Variants in SMYD2 observed in about 807,000 individuals in gnomAD.
SMYD2 encodes N-lysine methyltransferase SMYD2.
SMYD2 carries 53 observed loss-of-function variants against 59.1 expected under a neutral mutation model. The observed-to-expected ratio is 0.90, with a 90% CI of 0.72 to 1.13. The LOEUF (loss-of-function observed/expected upper bound fraction) is 1.13, where lower values mean the gene tolerates loss of function less well. SMYD2 is among the 50% of genes most tolerant of loss of function. The pLI, the probability that SMYD2 is intolerant of heterozygous loss-of-function variation, is 0.00. For synonymous variants in SMYD2, 208 were observed against 198.8 expected, an observed-to-expected ratio of 1.05 and a Z score of -0.39; for missense variants, 494 against 544.7, an observed-to-expected ratio of 0.91 and a Z score of 0.93.
chr1:214,329,606 G>A (rs1657318022), intron 7 of SMYD2, among the ~76,000 whole-genome samples: 1 of 152,178 alleles, frequency 6.6e-6, no homozygotes, highest in Non-Finnish European at 1.5e-5. Context: ...CAGCATTCTG[G>A]TGTCCTAGAA....
intron 2 of SMYD2, among the ~76,000 whole-genome samples, chr1:214,307,042 G>A (rs1454618003): frequency 6.6e-6 from 1 of 152,220 alleles, no homozygotes; most frequent in Non-Finnish European, 1.5e-5. Flanking sequence ...GCGTGGTGGC[G>A]GGTGCCTGTA....
At chr1:214,329,226 C>T (rs563021334) in intron 7 of SMYD2, among the ~76,000 whole-genome samples, 13 of 152,256 alleles carry the variant, frequency 8.5e-5, no homozygotes, top group African/African-American at 2.6e-4. Context: ...CCCAGGGTTT[C>T]GGGGTGAGCT....
chr1:214,292,927 A>C (rs1656659199), intron 1 of SMYD2, among the ~76,000 whole-genome samples: 1 of 151,812 alleles, frequency 6.6e-6, no homozygotes, highest in South Asian at 2.1e-4. Context: ...TTCCTAGGTA[A>C]GGCCTTAGAG....
chr1:214,300,206 C>A (rs1276224265), intron 1 of SMYD2, among the ~76,000 whole-genome samples: 2 of 152,130 alleles, frequency 1.3e-5, no homozygotes, highest in Non-Finnish European at 2.9e-5. Flanking sequence ...GTAAAATCTT[C>A]CCTAGAGCCA....
intron 1 of SMYD2, among the ~76,000 whole-genome samples, chr1:214,303,595 G>A (rs1402368876): frequency 6.6e-6 from 1 of 152,178 alleles, no homozygotes; most frequent in Non-Finnish European, 1.5e-5. Flanking sequence ...ACATTCTTCA[G>A]TCTGCTTCTT....
chr1:214,282,914 G>A (rs907857327), intron 1 of SMYD2, among the ~76,000 whole-genome samples: 3 of 152,092 alleles, frequency 2.0e-5, no homozygotes, highest in Non-Finnish European at 2.9e-5. Flanking sequence ...GCTGTGGCTC[G>A]GAGTCTGCAG....
Position 214,312,301 on chromosome 1 carries a change from T to C in SMYD2, c.238-2461T>C, listed in dbSNP as rs1209933131. Among the ~76,000 whole-genome samples, 1 of 152,154 alleles carries C rather than the reference T, an allele frequency of 6.6e-6. No individual in the cohort carries two copies. The highest frequency in any genetic ancestry group is 2.4e-5 in the African/African-American group (1 of 41,440). The stretch of plus-strand genomic sequence containing the variant: ...GTGGAGGGAAGCGGGTAGGGAGATA[T>C]CTTCATTCCTTCAACAACTATATTG... On this transcript the variant is annotated intron_variant, in intron 2 of 11. Transcript: ENST00000366957. The surrounding 1 kb of genome is among the most constrained non-coding windows in gnomAD (Gnocchi z 4.1).
At position 214,320,901 on chromosome 1, in the gene SMYD2, T is replaced by G. The variant is rs73092322; in HGVS notation, c.534+1918T>G. ...ACCTAAGTATCCTGAGACAATAGAT[T>G]TGGCTGACAATGGGAAGTGAGGAAT... On this transcript the variant is annotated intron_variant, in intron 5 of 11. Coordinates refer to ENST00000366957, the MANE Select transcript of SMYD2 (RefSeq NM_020197.3). Among the ~76,000 whole-genome samples the G allele has an allele frequency of 2.4e-4, 36 of 152,308 alleles. No individual in the cohort carries two copies. The Middle Eastern group carries it at 0.014, about 58-fold the overall frequency.
At chr1:214,302,246 G>A (rs2102461369) in intron 1 of SMYD2, among the ~76,000 whole-genome samples, 1 of 152,068 alleles carries the variant, frequency 6.6e-6, no homozygotes, top group African/African-American at 2.4e-5. Context: ...GGCTGAGGGA[G>A]GAGAATTGCT....
chr1:214,290,522 A>G (rs961964871), intron 1 of SMYD2, among the ~76,000 whole-genome samples: 1 of 152,206 alleles, frequency 6.6e-6, no homozygotes, highest in African/African-American at 2.4e-5. Flanking sequence ...ATAAAAATGA[A>G]TGCGTGCTAT....
intron 9 of SMYD2, 162 bp from the exon 10 acceptor site, chr1:214,331,856 C>A (rs906929897): frequency 3.0e-6 from 2 of 658,454 alleles, no homozygotes; most frequent in African/African-American, 3.6e-5. Flanking sequence ...TTTGTTTTTT[C>A]TGGAGAAATG....
At chr1:214,302,365 C>T (rs1421049771) in intron 1 of SMYD2, among the ~76,000 whole-genome samples, 1 of 151,948 alleles carries the variant, frequency 6.6e-6, no homozygotes, top group Non-Finnish European at 1.5e-5. Flanking sequence ...ACAGTGTTTC[C>T]TGAGCTTTGA....
At chr1:214,296,740 A>G (rs1656735639) in intron 1 of SMYD2, among the ~76,000 whole-genome samples, 1 of 151,012 alleles carries the variant, frequency 6.6e-6, no homozygotes, top group South Asian at 2.1e-4. Flanking sequence ...TAACTTGCCC[A>G]AGATCACATA....
intron 9 of SMYD2, 40 bp from the exon 10 acceptor site, chr1:214,331,978 C>A: frequency 1.3e-6 from 2 of 1,588,224 alleles, no homozygotes; most frequent in East Asian, 4.5e-5. Context: ...AGCCTCCAGG[C>A]AGCTTGGGCC....
At chr1:214,335,320 A>G (rs1657418794) in intron 11 of SMYD2, among the ~76,000 whole-genome samples, 2 of 152,250 alleles carry the variant, frequency 1.3e-5, no homozygotes. Flanking sequence ...TTGTCTTCTG[A>G]GAATTAGCCA....
rs113569347 is a variant in SMYD2, at chr1:214,303,938, G to A, written c.174-1249G>A. 4.1e-3 allele frequency among the ~76,000 whole-genome samples: 625 copies of A among 152,350 alleles called. 3 individuals carry two copies. The highest frequency in any genetic ancestry group is 0.014 in the African/African-American group (586 of 41,584). On this transcript the variant is annotated intron_variant, in intron 1 of 11. Transcript: ENST00000366957. ...GCTTCACCGGGGTGGGCAAGAGTTC[G>A]ACAGCAGGTTTTACCGATTGCGCTC...
Position 214,332,128 on chromosome 1 carries a change from T to A in SMYD2, c.1048T>A (p.Cys350Ser), listed in dbSNP as rs1469611234. 1 of 1,614,116 alleles carries A rather than the reference T, an allele frequency of 6.2e-7. No individual in the cohort carries two copies. Among genetic ancestry groups the A allele is most frequent in the African/African-American group, 1.3e-5 (1 of 74,936 alleles). ...LHMMYQAMGVCLYMQDWEGAL... is the reference protein window; with the variant it reads ...LHMMYQAMGVSLYMQDWEGAL... ...CATGATGTACCAGGCCATGGGTGTC[T>A]GCTTGTACATGCAGGACTGGGAAGG... Residue 350 changes from cysteine (C) to serine (S), a missense_variant, in exon 10 of 12, where the codon TGC becomes AGC. Coordinates refer to ENST00000366957, the MANE Select transcript of SMYD2 (RefSeq NM_020197.3).
At chr1:214,334,109 AG>A (rs1252926899) in intron 10 of SMYD2, 90 bp from the exon 11 acceptor site, 1 of 1,199,538 alleles carries the variant, frequency 8.3e-7, no homozygotes, top group Non-Finnish European at 1.2e-6. Context: ...GTTGGCCCTA[AG>A]CATGGCAGCC....
At chr1:214,281,914 A>C (rs565775109) in intron 1 of SMYD2, among the ~76,000 whole-genome samples, 1 of 152,330 alleles carries the variant, frequency 6.6e-6, no homozygotes, top group African/African-American at 2.4e-5. Context: ...TTAATGACTT[A>C]GTATATGTCT....
Sources: allele counts gnomAD v4.1 joint callset (sites outside exome capture counted in the v4.1 genomes callset), GRCh38; gene constraint gnomAD v4.1.1; non-coding constraint Gnocchi (gnomAD v3.1); transcripts MANE v1.5; gene names NCBI Gene and HGNC (gene_info 2026-07-23, HGNC 2026-07-21).